Variants in MLXIPL observed in about 807,000 individuals in gnomAD.
MLXIPL encodes carbohydrate-responsive element-binding protein.
In MLXIPL, 49 loss-of-function variants were observed where a neutral mutation model predicts 81.5. The ratio of observed to expected loss-of-function variants is 0.60; its 90% CI spans 0.48 to 0.76. The LOEUF (loss-of-function observed/expected upper bound fraction) is 0.76, where lower values mean the gene tolerates loss of function less well. MLXIPL is among the 30% of genes least tolerant of loss of function. The pLI is 0.00. For missense variants in MLXIPL, 1,053 were observed against 1,167.0 expected, an observed-to-expected ratio of 0.90 and a Z score of 1.42; for synonymous variants, 466 against 485.5, an observed-to-expected ratio of 0.96 and a Z score of 0.53.
chr7:73,642,246 C>T, the MLXIPL span, among the ~76,000 whole-genome samples: 1 of 152,112 alleles, frequency 6.6e-6, no homozygotes, highest in African/African-American at 2.4e-5. Context: ...AGCTTCCATG[C>T]CCTCTCTGGG....
chr7:73,614,633 C>G (rs1476596565), intron 2 of MLXIPL, among the ~76,000 whole-genome samples: 1 of 152,180 alleles, frequency 6.6e-6, no homozygotes, highest in Non-Finnish European at 1.5e-5. Context: ...TCCAAGTCCT[C>G]TCTGCCTCTG....
At chr7:73,631,935 C>CTTCCTTT in the MLXIPL span, among the ~76,000 whole-genome samples, 28 of 101,888 alleles carry the variant, frequency 2.7e-4, no homozygotes, top group African/African-American at 1.1e-3. Flanking sequence ...CCCCTCCCCT[C>CTTCCTTT]CTCTTCTTTT....
At chr7:73,626,670 G>A (rs1284417032), upstream of MLXIPL, among the ~76,000 whole-genome samples, 6 of 152,134 alleles carry the variant, frequency 3.9e-5, no homozygotes, top group South Asian at 8.3e-4. Flanking sequence ...AGAGGCACAG[G>A]AGAGCAAAAA....
At chr7:73,598,764 C>T (rs1470768090) in intron 8 of MLXIPL, among the ~76,000 whole-genome samples, 1 of 151,954 alleles carries the variant, frequency 6.6e-6, no homozygotes, top group Non-Finnish European at 1.5e-5. Context: ...AGAATTAGCA[C>T]CTGAAAAGTC....
At chr7:73,628,098 G>A (rs1200426690), upstream of MLXIPL, among the ~76,000 whole-genome samples, 3 of 151,774 alleles carry the variant, frequency 2.0e-5, no homozygotes, top group African/African-American at 2.4e-5. Context: ...CTGAGACTAC[G>A]GGCATGAGCC....
chr7:73,633,221 C>T, the MLXIPL span, among the ~76,000 whole-genome samples: 35,345 of 151,364 alleles, frequency 0.23, 4,364 homozygotes, highest in African/African-American at 0.31. Flanking sequence ...GCTGGGACTA[C>T]AGTCACCCGC....
chr7:73,636,988 A>G, the MLXIPL span, among the ~76,000 whole-genome samples: 2 of 148,808 alleles, frequency 1.3e-5, no homozygotes, highest in Non-Finnish European at 3.0e-5. Context: ...TTAACCCGGG[A>G]GGCGGAGCTT....
At chr7:73,621,502 T>C (rs1376062362) in intron 1 of MLXIPL, among the ~76,000 whole-genome samples, 3 of 151,880 alleles carry the variant, frequency 2.0e-5, no homozygotes, top group Non-Finnish European at 4.4e-5. Flanking sequence ...TCTTCCCATA[T>C]AGTCACTCCC....
chr7:73,632,792 TTCCTTCC>T, the MLXIPL span, among the ~76,000 whole-genome samples: 1 of 130,310 alleles, frequency 7.7e-6, no homozygotes, highest in African/African-American at 3.0e-5. Flanking sequence ...CCTTCCTTCC[TTCCTTCC>T]GACGGAGTCT....
intron 1 of MLXIPL, among the ~76,000 whole-genome samples, chr7:73,618,698 C>T (rs1796139110): frequency 6.8e-6 from 1 of 146,492 alleles, no homozygotes; most frequent in Non-Finnish European, 1.5e-5. Context: ...TAAACACCAT[C>T]TGTTTGGTAG....
chr7:73,606,804 A>G (rs544351070), intron 5 of MLXIPL, 170 bp downstream of exon 5: 2 of 755,132 alleles, frequency 2.6e-6, no homozygotes, highest in East Asian at 2.8e-5. Context: ...CTCACCCCCC[A>G]AGAAGAGAAG....
rs958469890 is a variant in MLXIPL at position 73,607,787 on chromosome 7, A to G, written c.401-115T>C. The G allele has an allele frequency of 9.9e-6, 8 of 804,032 alleles. No individual in the cohort carries two copies. The Admixed American group carries it at 1.2e-4, about 12-fold the overall frequency. 49.8% of individuals were successfully genotyped at this position (804,032 alleles called of 1,614,324 possible). A position where few individuals can be genotyped will look rare whatever the true frequency, so the allele number is the denominator to read the frequency against. ...ATCCTGCTTGGCCTTTGACGTTCAG[A>G]TTAAGTGCCCATGCTGCCTCCTCCA... is the stretch of plus-strand genomic sequence containing the variant. On this transcript the variant is annotated intron_variant, in intron 2 of 16. Transcript: ENST00000313375.
Position 73,594,289 on chromosome 7 carries a change from G to T in MLXIPL, c.2425C>A (p.Pro809Thr). Reference sequence around the variant, plus strand: ...GCTCACGTACTTGGCCGGAGAGCGGGCAGAGAGCAGTACTGGTCCAGCCAG... The same window carrying T: ...GCTCACGTACTTGGCCGGAGAGCGGTCAGAGAGCAGTACTGGTCCAGCCAG... Reference protein sequence around the residue: ...LAWLDQYCSLPALRPTVLNSL... With the variant: ...LAWLDQYCSLTALRPTVLNSL... Residue 809 changes from proline to threonine, a missense_variant, in exon 16 of 17, where the codon CCC becomes ACC. Physicochemically the swap from Pro to Thr is conservative, Grantham distance 38 (BLOSUM62 -1). Transcript: ENST00000313375. 6.2e-7 allele frequency: 1 copy of T among 1,612,176 alleles called. No individual in the cohort carries two copies.
intron 1 of MLXIPL, 63 bp from the exon 2 acceptor site, chr7:73,616,240 TA>T: frequency 7.2e-7 from 1 of 1,390,734 alleles, no homozygotes; most frequent in South Asian, 1.2e-5. Flanking sequence ...CTGGTCCCCA[TA>T]TTCCCCATGC....
intron 2 of MLXIPL, among the ~76,000 whole-genome samples, chr7:73,608,194 C>G (rs547469524): frequency 6.6e-6 from 1 of 152,062 alleles, no homozygotes; most frequent in Non-Finnish European, 1.5e-5. Context: ...TCCAACCTCC[C>G]ACACCTTCTC....
At chr7:73,624,942 T>C (rs1008462769), upstream of MLXIPL, among the ~76,000 whole-genome samples, 7 of 152,086 alleles carry the variant, frequency 4.6e-5, no homozygotes, top group African/African-American at 1.7e-4. Context: ...AAGCCTGTAA[T>C]ACCAGCTACT....
At chr7:73,594,516 T>A in intron 15 of MLXIPL, 113 bp from the exon 16 acceptor site, 1 of 1,319,782 alleles carries the variant, frequency 7.6e-7, no homozygotes, top group Non-Finnish European at 1.1e-6. Context: ...TGTCTAACGT[T>A]GAACCCCAAT....
chr7:73,608,732 C>A (rs11760752), intron 2 of MLXIPL, among the ~76,000 whole-genome samples: 27,671 of 152,118 alleles, frequency 0.18, 2,661 homozygotes, highest in African/African-American at 0.21. Context: ...CAACATGTGT[C>A]CTCTTCCAGG....
At position 73,624,302 on chromosome 7, in the gene MLXIPL, C is replaced by T. The variant is rs1554603039; in HGVS notation, c.191G>A (p.Arg64Gln). 1.3e-6 allele frequency: 2 copies of T among 1,586,518 alleles called. No homozygotes were observed. The highest frequency in any genetic ancestry group is 1.7e-4 in the Middle Eastern group (1 of 5,872). Residue 64 changes from arginine (R) to glutamine (Q), a missense_variant, in exon 1 of 17, where the codon CGG becomes CAG. Around this residue, in one of 3 missense-constraint regions of MLXIPL, gnomAD observed 226 missense variants for 216.2 expected, o/e 1.05. Transcript: ENST00000313375. ...VSSPHSDSLP[R>Q]RRDQEGSVGP... ...CACGGACCCCTCCTGGTCGCGCCGC[C>T]GGGGCAGCGAGTCGCTGTGCGGCGA... is the stretch of plus-strand genomic sequence containing the variant.
Sources: gnomAD v4.1 joint callset for allele counts (sites outside exome capture counted in the v4.1 genomes callset) on GRCh38, gnomAD v4.1.1 for gene constraint, gnomAD v4.1.1 regional missense constraint, MANE v1.5 for transcripts, NCBI Gene and HGNC (gene_info 2026-07-23, HGNC 2026-07-21) for gene names.